CSMD1: variants seen among roughly 807,000 people sequenced by gnomAD.
CSMD1 encodes CUB and Sushi multiple domains 1.
Under a neutral mutation model 417.5 loss-of-function variants are expected in CSMD1, and 213 were observed. That is an observed-to-expected ratio of 0.51 (90% CI 0.46 to 0.57). CSMD1 has a LOEUF of 0.57. CSMD1 is among the 20% of genes least tolerant of loss of function. The probability of loss-of-function intolerance (pLI) is 0.00; values close to 1 mark genes in which losing one functional copy is unlikely to be tolerated. For synonymous variants in CSMD1, 2,862 were observed against 1,736.8 expected (o/e 1.65, Z -16.11); for missense variants, 6,923 against 4,529.7 (o/e 1.53, Z -15.17).
intron 2 of CSMD1, among the ~76,000 whole-genome samples, chr8:4,448,886 AAC>A (rs1563185864): frequency 6.6e-6 from 1 of 152,198 alleles, no homozygotes; most frequent in Non-Finnish European, 1.5e-5. Flanking sequence ...TCACCAAGTA[AAC>A]ACACACATGC....
chr8:3,442,863 G>A (rs1489000076), intron 12 of CSMD1, among the ~76,000 whole-genome samples: 1 of 151,942 alleles, frequency 6.6e-6, no homozygotes, highest in Non-Finnish European at 1.5e-5. Context: ...CCTGGTTTTG[G>A]CCTCAGAATA....
intron 2 of CSMD1, among the ~76,000 whole-genome samples, chr8:4,512,848 T>G (rs1802899637): frequency 6.6e-6 from 1 of 150,936 alleles, no homozygotes; most frequent in South Asian, 2.1e-4. Context: ...TACTGTCAAG[T>G]TGTCAGCTCT....
intron 1 of CSMD1, among the ~76,000 whole-genome samples, chr8:4,859,397 A>G (rs1453419075): frequency 6.6e-6 from 1 of 152,192 alleles, no homozygotes; most frequent in African/African-American, 2.4e-5. Context: ...AATAGCAACA[A>G]AAGAAAAAAT....
At chr8:3,325,014 G>T (rs936729078) in intron 23 of CSMD1, among the ~76,000 whole-genome samples, 7 of 151,970 alleles carry the variant, frequency 4.6e-5, no homozygotes, top group Non-Finnish European at 8.8e-5. Flanking sequence ...AATACAAATA[G>T]GCTTCAAATG....
intron 51 of CSMD1, among the ~76,000 whole-genome samples, chr8:3,025,167 G>T (rs1462398276): frequency 6.7e-6 from 1 of 148,774 alleles, no homozygotes; most frequent in Non-Finnish European, 1.5e-5. Flanking sequence ...TGTATTGTGT[G>T]GTGTTATTCT....
intron 5 of CSMD1, among the ~76,000 whole-genome samples, chr8:3,957,870 C>G (rs550950269): frequency 1.3e-5 from 2 of 152,198 alleles, no homozygotes; most frequent in Admixed American, 1.3e-4. Flanking sequence ...CATTTGGAGC[C>G]GATGTGGGGC....
chr8:4,682,734 C>G (rs144194202), intron 1 of CSMD1, among the ~76,000 whole-genome samples: 1 of 151,416 alleles, frequency 6.6e-6, no homozygotes, highest in Non-Finnish European at 1.5e-5. Context: ...TCCAATATTA[C>G]GTTGCTGTCT....
intron 23 of CSMD1, among the ~76,000 whole-genome samples, chr8:3,308,732 G>GTAAGTT (rs1805090018): frequency 9.2e-6 from 1 of 108,930 alleles, no homozygotes; most frequent in East Asian, 3.3e-4. Flanking sequence ...CTACTTACAA[G>GTAAGTT]TTTTTTTTTT....
rs569729887 is a variant in CSMD1 at position 3,547,077 on chromosome 8, C to T, written c.1344+27868G>A. Among the ~76,000 whole-genome samples the T allele has an allele frequency of 9.2e-5, 14 of 151,388 alleles. No homozygotes were observed. In the South Asian group the frequency reaches 2.5e-3, roughly 27 times the overall value. The stretch of plus-strand genomic sequence containing the variant: ...TGTTTAGCTGGAGACCTGACTTAGA[C>T]AGCAGGACCAATAACGTGGGCTACA... On this transcript the variant is annotated intron_variant, in intron 10 of 69. Coordinates refer to ENST00000635120, the MANE Select transcript of CSMD1 (RefSeq NM_033225.6).
At position 4,626,180 on chromosome 8, in the gene CSMD1, G is replaced by A. The variant is rs139167647; in HGVS notation, c.302+11162C>T. 2.5e-3 allele frequency among the ~76,000 whole-genome samples: 384 copies of A among 152,244 alleles called. 1 individual carries two copies. The highest frequency in any genetic ancestry group is 2.3e-3 in the Non-Finnish European group (159 of 68,012). ...TTTAGGAAGTTTTCAGCAGGCCAAG[G>A]TTTTCTTTAGCTCAGTTTTCCTCTT... is the stretch of plus-strand genomic sequence containing the variant. On this transcript the variant is annotated intron_variant, in intron 2 of 69. Transcript: ENST00000635120.
intron 5 of CSMD1, among the ~76,000 whole-genome samples, chr8:3,859,539 G>A (rs1349764673): frequency 1.3e-5 from 2 of 152,128 alleles, no homozygotes; most frequent in African/African-American, 2.4e-5. Context: ...GGATTTCAGG[G>A]CGAGGCTAAC....
At chr8:4,610,448 G>C (rs1801111045) in intron 2 of CSMD1, among the ~76,000 whole-genome samples, 1 of 152,110 alleles carries the variant, frequency 6.6e-6, no homozygotes, top group Non-Finnish European at 1.5e-5. Flanking sequence ...AAGGGGTCAG[G>C]TGTCTTCTTC....
chr8:4,839,786 G>C (rs893835231), intron 1 of CSMD1, among the ~76,000 whole-genome samples: 1 of 152,110 alleles, frequency 6.6e-6, no homozygotes, highest in African/African-American at 2.4e-5. Context: ...ATAAACAACA[G>C]ATTTAGACCT....
chr8:3,817,886 C>G (rs908147887), intron 5 of CSMD1, among the ~76,000 whole-genome samples: 5 of 152,156 alleles, frequency 3.3e-5, no homozygotes, highest in African/African-American at 9.6e-5. Flanking sequence ...TAAGGACATT[C>G]TTGCTAAGAT....
intron 10 of CSMD1, among the ~76,000 whole-genome samples, chr8:3,550,545 A>G (rs955281709): frequency 2.6e-5 from 4 of 152,314 alleles, no homozygotes; most frequent in Admixed American, 6.5e-5. Flanking sequence ...GGTGATTAGC[A>G]CATCCAGCAT....
intron 1 of CSMD1, among the ~76,000 whole-genome samples, chr8:4,829,208 C>A (rs541510893): frequency 6.6e-6 from 1 of 152,120 alleles, no homozygotes; most frequent in African/African-American, 2.4e-5. Context: ...ATAAAGACTG[C>A]TCAAGTTGTT....
intron 7 of CSMD1, among the ~76,000 whole-genome samples, chr8:3,659,884 C>G (rs1393174773): frequency 6.6e-6 from 1 of 152,118 alleles, no homozygotes; most frequent in Non-Finnish European, 1.5e-5. Context: ...CCATATAAAT[C>G]TAAACTATGA....
chr8:4,894,426 T>G (rs1157516690), intron 1 of CSMD1, among the ~76,000 whole-genome samples: 1 of 151,902 alleles, frequency 6.6e-6, no homozygotes, highest in Non-Finnish European at 1.5e-5. Context: ...AGGTTATGTA[T>G]TTTGCTTTAA....
rs553710914 is a variant in CSMD1, at chr8:3,932,906, A to G, written c.818+64997T>C. Among the ~76,000 whole-genome samples, 15 of 150,390 alleles carry G rather than the reference A, an allele frequency of 1.0e-4. 4 individuals are homozygous for G. The South Asian group carries it at 3.2e-3, about 32-fold the overall frequency. ...GAATTTTCTATTCCAATAGCAACAC[A>G]CTTCTATTTAGTAAAGTAACTAAAT... is the stretch of plus-strand genomic sequence containing the variant. On this transcript the variant is annotated intron_variant, in intron 5 of 69. Transcript: ENST00000635120.
Sources: gnomAD v4.1 joint callset for allele counts (sites outside exome capture counted in the v4.1 genomes callset) on GRCh38, gnomAD v4.1.1 for gene constraint, MANE v1.5 for transcripts, NCBI Gene and HGNC (gene_info 2026-07-23, HGNC 2026-07-21) for gene names.